Variants in UQCC1 observed in about 807,000 individuals in gnomAD.
UQCC1 encodes bFGF-repressed Zic-binding protein.
UQCC1 carries 38 observed loss-of-function variants against 48.0 expected under a neutral mutation model. The observed-to-expected ratio is 0.79, with a 90% CI of 0.61 to 1.04. The LOEUF is 1.04. Ranked by LOEUF, UQCC1 falls within the 50% of genes least tolerant of loss-of-function variation. The pLI is 0.00. For missense variants in UQCC1, 368 were observed against 381.8 expected (o/e 0.96, Z 0.30); for synonymous variants, 111 against 129.2 (o/e 0.86, Z 0.95).
chr20:35,361,208 A>G (rs1315069658), intron 6 of UQCC1, among the ~76,000 whole-genome samples: 1 of 139,672 alleles, frequency 7.2e-6, no homozygotes, highest in Non-Finnish European at 1.6e-5. Flanking sequence ...TTTCATTTTT[A>G]AAAAGGACTC....
intron 2 of UQCC1, among the ~76,000 whole-genome samples, chr20:35,391,981 T>C (rs1044437168): frequency 6.6e-6 from 1 of 152,288 alleles, no homozygotes; most frequent in Admixed American, 6.5e-5. Flanking sequence ...AGTATGTCTC[T>C]AGCTCTTTGA....
intron 6 of UQCC1, among the ~76,000 whole-genome samples, chr20:35,347,633 G>T (rs886170163): frequency 6.6e-6 from 1 of 152,022 alleles, no homozygotes; most frequent in Non-Finnish European, 1.5e-5. Flanking sequence ...ATGAAAGCAG[G>T]AGTCCTAAAG....
At chr20:35,387,798 CTTT>C (rs11471118) in intron 2 of UQCC1, among the ~76,000 whole-genome samples, 189 of 146,458 alleles carry the variant, frequency 1.3e-3, no homozygotes, top group Middle Eastern at 3.5e-3. Flanking sequence ...TTTAGGACAA[CTTT>C]TTTTTTTTTT....
At chr20:35,329,508 C>T (rs528327837) in intron 7 of UQCC1, among the ~76,000 whole-genome samples, 4 of 152,308 alleles carry the variant, frequency 2.6e-5, no homozygotes, top group South Asian at 2.1e-4. Context: ...AGCTGGGCCC[C>T]TTCAGCTCCA....
At chr20:35,377,725 C>T (rs1183093299) in intron 4 of UQCC1, among the ~76,000 whole-genome samples, 3 of 152,138 alleles carry the variant, frequency 2.0e-5, no homozygotes, top group African/African-American at 7.2e-5. Context: ...TATATAAAGT[C>T]CTGGGTTCAT....
At chr20:35,407,848 C>G (rs1251695503) in intron 1 of UQCC1, among the ~76,000 whole-genome samples, 1 of 152,160 alleles carries the variant, frequency 6.6e-6, no homozygotes, top group African/African-American at 2.4e-5. Flanking sequence ...CATGGGGAAA[C>G]CCCATCTCTA....
intron 6 of UQCC1, among the ~76,000 whole-genome samples, chr20:35,364,183 T>C (rs535539042): frequency 6.6e-6 from 1 of 152,290 alleles, no homozygotes; most frequent in African/African-American, 2.4e-5. Context: ...GCCCACCCTT[T>C]CTCTGACAGA....
At chr20:35,379,962 AG>A (rs1217213719) in intron 4 of UQCC1, among the ~76,000 whole-genome samples, 2 of 152,244 alleles carry the variant, frequency 1.3e-5, no homozygotes, top group Non-Finnish European at 2.9e-5. Flanking sequence ...AAAAGAGCAA[AG>A]GAATTTTCCT....
At chr20:35,328,979 G>T (rs1476414464) in intron 7 of UQCC1, among the ~76,000 whole-genome samples, 1 of 152,164 alleles carries the variant, frequency 6.6e-6, no homozygotes, top group Admixed American at 6.5e-5. Context: ...CACATTCAGG[G>T]ATTAGCATGT....
At chr20:35,354,456 ACG>A (rs67184474) in intron 6 of UQCC1, among the ~76,000 whole-genome samples, 2 of 149,232 alleles carry the variant, frequency 1.3e-5, no homozygotes, top group Non-Finnish European at 3.0e-5. Context: ...GAGTGCACTG[ACG>A]CAATCTTGGC....
At chr20:35,339,596 G>C (rs2061356121) in intron 7 of UQCC1, among the ~76,000 whole-genome samples, 1 of 152,162 alleles carries the variant, frequency 6.6e-6, no homozygotes, top group South Asian at 2.1e-4. Flanking sequence ...GAGGGAAGGG[G>C]TATGATTTGT....
chr20:35,304,048 T>C lies in UQCC1; in HGVS notation c.787A>G (p.Asn263Asp), dbSNP rs2060900351. ...CCTGTCAGAAGCAGATCCTCCCCGT[T>C]CATGGAGTCCAGGTACTGTATCTGC... The part of the protein sequence containing the change: ...RKQIQYLDSM[N>D]GEDLLLTGEV... Residue 263 changes from asparagine (N) to aspartate (D), a missense_variant, in exon 10 of 10, where the codon AAC (asparagine) becomes GAC (aspartate). By Grantham distance (23) the Asn-to-Asp change is conservative. Transcript: ENST00000374385. The C allele has an allele frequency of 1.2e-5, 19 of 1,614,096 alleles. No individual in the cohort carries two copies. Among genetic ancestry groups the C allele is most frequent in the Non-Finnish European group, 1.6e-5 (19 of 1,179,988 alleles).
At chr20:35,402,435 G>A (rs551061962) in intron 1 of UQCC1, among the ~76,000 whole-genome samples, 8 of 151,994 alleles carry the variant, frequency 5.3e-5, no homozygotes, top group South Asian at 2.1e-4. Context: ...AAAATTAGCC[G>A]GGTGTGGTGG....
intron 7 of UQCC1, among the ~76,000 whole-genome samples, chr20:35,328,911 C>T (rs1311032363): frequency 6.6e-6 from 1 of 152,206 alleles, no homozygotes; most frequent in African/African-American, 2.4e-5. Flanking sequence ...CCTTTCTCAG[C>T]ATAAACTAGA....
intron 7 of UQCC1, among the ~76,000 whole-genome samples, chr20:35,335,734 G>C (rs962590515): frequency 1.3e-5 from 2 of 152,152 alleles, no homozygotes; most frequent in African/African-American, 2.4e-5. Flanking sequence ...AAATATTCTG[G>C]AATAGTGGTG....
At chr20:35,397,055 G>A (rs1024735270) in intron 1 of UQCC1, among the ~76,000 whole-genome samples, 17 of 151,914 alleles carry the variant, frequency 1.1e-4, no homozygotes, top group Non-Finnish European at 1.6e-4. Flanking sequence ...AAAAAATACC[G>A]GGCATGGTGG....
intron 5 of UQCC1, among the ~76,000 whole-genome samples, chr20:35,372,825 C>T (rs1011530556): frequency 3.9e-5 from 6 of 152,294 alleles, no homozygotes; most frequent in African/African-American, 1.4e-4. Context: ...GCCAAGATGG[C>T]ACCACTCCAC....
intron 7 of UQCC1, chr20:35,346,180 T>C (rs1357427640): frequency 6.6e-6 from 1 of 152,122 alleles, no homozygotes; most frequent in Non-Finnish European, 1.5e-5. Flanking sequence ...ATCAGCACTC[T>C]GTAAAATGGA....
rs6060387 is a variant in UQCC1, at chr20:35,379,468, T to C, written c.333+2450A>G. Among the ~76,000 whole-genome samples, 802 of 152,342 alleles carry C rather than the reference T, an allele frequency of 5.3e-3. 15 individuals carry two copies. The highest frequency in any genetic ancestry group is 0.018 in the African/African-American group (748 of 41,578). ...ATACATTTTCACATCTCAATTACAC[T>C]AGAATGTCATACGTTGATATTGTGA... On this transcript the variant is annotated intron_variant, in intron 4 of 9. Coordinates refer to ENST00000374385, the MANE Select transcript of UQCC1 (RefSeq NM_018244.5).
Sources: allele counts gnomAD v4.1 joint callset (sites outside exome capture counted in the v4.1 genomes callset), GRCh38; gene constraint gnomAD v4.1.1; transcripts MANE v1.5; gene names NCBI Gene and HGNC (gene_info 2026-07-23, HGNC 2026-07-21).